SREBF2: variants seen among roughly 807,000 people sequenced by gnomAD.
SREBF2 encodes the protein sterol regulatory element binding transcription factor 2.
Under a neutral mutation model 113.1 loss-of-function variants are expected in SREBF2, and 55 were observed. That is an observed-to-expected ratio of 0.49 (90% CI 0.39 to 0.61). SREBF2 has a LOEUF of 0.61. Ranked by LOEUF, SREBF2 falls within the 20% of genes least tolerant of loss-of-function variation. SREBF2 has a pLI of 0.00. For missense variants in SREBF2, 1,349 were observed against 1,487.4 expected (o/e 0.91, Z 1.53); for synonymous variants, 593 against 605.7 (o/e 0.98, Z 0.31).
chr22:41,838,789 T>C (rs921732501), intron 1 of SREBF2, among the ~76,000 whole-genome samples: 4 of 151,974 alleles, frequency 2.6e-5, no homozygotes, highest in African/African-American at 7.3e-5. Context: ...CAAGGAAGAT[T>C]GGAGGCAGGG....
intron 1 of SREBF2, among the ~76,000 whole-genome samples, chr22:41,837,324 G>A (rs1032513334): frequency 5.9e-5 from 9 of 151,844 alleles, no homozygotes; most frequent in Non-Finnish European, 1.2e-4. Context: ...TTGGGAGGCC[G>A]AGGTGGGCGG....
Position 41,892,992 on chromosome 22 carries a change from C to T in SREBF2, c.2209-125C>T, listed in dbSNP as rs562030330. 3.4e-6 allele frequency: 4 copies of T among 1,175,168 alleles called. No homozygotes were observed. In the African/African-American group the frequency reaches 6.0e-5, roughly 18 times the overall value. The allele number at this position is 1,175,168 out of a possible 1,614,324, so 72.8% of individuals were successfully genotyped here. A position where few individuals can be genotyped will look rare whatever the true frequency, so the allele number is the denominator to read the frequency against. ...TTCAGGTACCTGTGGGAGTCCTATC[C>T]CTGTGCTGATCTTTCCCAGTCTCCC... On this transcript the variant is annotated intron_variant, in intron 11 of 18. Coordinates refer to ENST00000361204, the MANE Select transcript of SREBF2 (RefSeq NM_004599.4).
In SREBF2 at chr22:41,864,530, C is replaced by T. The variant is rs1602298984; in HGVS notation, c.89-2301C>T. ...AGAGACGGGGTTTCACCGTGTTAGC[C>T]AGGATGGTCTCGATCTCCTGACCTT... On this transcript the variant is annotated intron_variant, in intron 1 of 18. Coordinates refer to ENST00000361204, the MANE Select transcript of SREBF2 (RefSeq NM_004599.4). Among the ~76,000 whole-genome samples, 3 of 151,216 alleles carry T rather than the reference C, an allele frequency of 2.0e-5. No homozygotes were observed. In the East Asian group the frequency reaches 6.0e-4, roughly 30 times the overall value.
chr22:41,893,341 C>G, intron 12 of SREBF2, 56 bp downstream of exon 12: 2 of 1,586,452 alleles, frequency 1.3e-6, no homozygotes, highest in East Asian at 4.5e-5. Context: ...ACCGCCGGTA[C>G]TACAGAGTCA....
At chr22:41,841,692 A>G (rs1436736266) in intron 1 of SREBF2, among the ~76,000 whole-genome samples, 2 of 152,244 alleles carry the variant, frequency 1.3e-5, no homozygotes, top group Non-Finnish European at 2.9e-5. Flanking sequence ...TAATTAAAAA[A>G]AGGAAATTCT....
chr22:41,864,513 G>A (rs1055649600), intron 1 of SREBF2, among the ~76,000 whole-genome samples: 3 of 150,230 alleles, frequency 2.0e-5, no homozygotes, highest in Admixed American at 1.3e-4. Context: ...GTAGAGACGG[G>A]GTTTCACCGT....
intron 1 of SREBF2, among the ~76,000 whole-genome samples, chr22:41,855,005 G>C (rs539163075): frequency 4.7e-5 from 7 of 149,870 alleles, no homozygotes; most frequent in African/African-American, 1.7e-4. Flanking sequence ...TGGACCAACA[G>C]GCATGTGCAG....
At chr22:41,851,853 G>T (rs1409451055) in intron 1 of SREBF2, among the ~76,000 whole-genome samples, 1 of 151,848 alleles carries the variant, frequency 6.6e-6, no homozygotes, top group African/African-American at 2.4e-5. Context: ...GGGCGCGGTG[G>T]CTCACGCCTG....
rs370021368 is a variant in SREBF2 at position 41,839,217 on chromosome 22, G to A, written c.88+5859G>A. ...GAGTTAGGAGTCAGCAGAAAGAGCT[G>A]GTTAGGGGAAATGATGAAAATTTAT... On this transcript the variant is annotated intron_variant, in intron 1 of 18. Coordinates refer to ENST00000361204, the MANE Select transcript of SREBF2 (RefSeq NM_004599.4). Among the ~76,000 whole-genome samples, 12 of 152,240 alleles carry A rather than the reference G, an allele frequency of 7.9e-5. No individual in the cohort carries two copies. In the East Asian group the frequency reaches 1.9e-3, roughly 24 times the overall value.
rs150711654 is a variant in SREBF2, at chr22:41,904,958, G to A, written c.3189G>A (p.Thr1063=). The change falls in exon 18 of 19, where the codon ACG becomes ACA. Residue 1063 remains threonine (T), a synonymous_variant. Transcript: ENST00000361204. Reference sequence around the variant, plus strand: ...AACACAGCCTGCGGCGGCGCACCACGCAGAGCACCAAGCACGGTGAGTCCA... The same window carrying A: ...AACACAGCCTGCGGCGGCGCACCACACAGAGCACCAAGCACGGTGAGTCCA... ...LLEHSLRRRT[T]QSTKHGEVDA... The A allele has an allele frequency of 8.2e-5, 131 of 1,597,384 alleles. No homozygotes were observed. The highest frequency in any genetic ancestry group is 3.7e-4 in the Middle Eastern group (2 of 5,418).
intron 1 of SREBF2, among the ~76,000 whole-genome samples, chr22:41,862,785 T>G (rs1235004391): frequency 6.6e-6 from 1 of 152,244 alleles, no homozygotes; most frequent in Non-Finnish European, 1.5e-5. Flanking sequence ...CATCACTCCT[T>G]TCTGCAGATG....
intron 13 of SREBF2, among the ~76,000 whole-genome samples, chr22:41,895,982 A>T (rs1161986604): frequency 1.3e-5 from 2 of 152,028 alleles, no homozygotes; most frequent in Admixed American, 6.5e-5. Context: ...TCTACTAAAA[A>T]TACAAAAAAT....
intron 3 of SREBF2, among the ~76,000 whole-genome samples, chr22:41,870,164 T>G (rs78815780): frequency 0.094 from 14,314 of 152,252 alleles, 730 homozygotes; most frequent in East Asian, 0.15. Flanking sequence ...TATATTTTCT[T>G]ACTAACAATT....
At chr22:41,894,712 C>G (rs2077396576) in intron 12 of SREBF2, 108 bp from the exon 13 acceptor site, 1 of 936,604 alleles carries the variant, frequency 1.1e-6, no homozygotes, top group African/African-American at 1.6e-5. Flanking sequence ...GAAGGGGCAT[C>G]TGATCCCCAT....
intron 1 of SREBF2, among the ~76,000 whole-genome samples, chr22:41,861,697 C>T (rs1170281906): frequency 1.3e-5 from 2 of 151,990 alleles, no homozygotes; most frequent in African/African-American, 2.4e-5. Context: ...CCGAGGTAGG[C>T]GGATCATCTG....
chr22:41,872,698 C>G (rs1408746642), intron 4 of SREBF2, among the ~76,000 whole-genome samples: 1 of 151,766 alleles, frequency 6.6e-6, no homozygotes, highest in Non-Finnish European at 1.5e-5. Context: ...TGAGATCAGC[C>G]TGGCCAACAT....
intron 1 of SREBF2, among the ~76,000 whole-genome samples, chr22:41,854,307 A>C (rs2076958138): frequency 6.6e-6 from 1 of 151,038 alleles, no homozygotes; most frequent in Admixed American, 6.6e-5. Flanking sequence ...GATTACAGGC[A>C]CCCACCCCCA....
Position 41,833,396 on chromosome 22 carries a change from G to T in SREBF2, c.88+38G>T. ...TGGGTGGGAGTGCGGGGGCCGCGCGGGGAGGAAGGGGTTACGGCGGCGCGC... is the reference window on the plus strand; with the variant it reads ...TGGGTGGGAGTGCGGGGGCCGCGCGTGGAGGAAGGGGTTACGGCGGCGCGC... On this transcript the variant is annotated intron_variant, in intron 1 of 18. Coordinates refer to ENST00000361204, the MANE Select transcript of SREBF2 (RefSeq NM_004599.4). This position sits in a 1 kb window ranked among gnomAD's most constrained non-coding sequence, Gnocchi z 4.1. The T allele has an allele frequency of 1.3e-6, 2 of 1,504,072 alleles. No homozygotes were observed. Among genetic ancestry groups the T allele is most frequent in the South Asian group, 2.5e-5 (2 of 81,304 alleles). 93.2% of individuals were successfully genotyped at this position (1,504,072 alleles called of 1,614,324 possible).
intron 1 of SREBF2, among the ~76,000 whole-genome samples, chr22:41,837,840 A>C (rs1252204652): frequency 6.7e-6 from 1 of 149,418 alleles, no homozygotes; most frequent in Non-Finnish European, 1.5e-5. Flanking sequence ...CCTGGGCAAC[A>C]AGAGCAAGAC....
Sources: allele counts gnomAD v4.1 joint callset (sites outside exome capture counted in the v4.1 genomes callset), GRCh38; gene constraint gnomAD v4.1.1; non-coding constraint Gnocchi (gnomAD v3.1); transcripts MANE v1.5; gene names NCBI Gene and HGNC (gene_info 2026-07-23, HGNC 2026-07-21).